The following DRC11 variants were observed in gnomAD, a reference collection of about 807,000 sequenced individuals.
DRC11 encodes the protein dynein regulatory complex subunit 11, also known as IQ and AAA domain-containing protein 1.
the DRC11 span, chr2:236,363,790 G>A: frequency 1.9e-6 from 3 of 1,611,194 alleles, no homozygotes; most frequent in African/African-American, 1.3e-5. The surrounding 1 kb of genome is among the most constrained non-coding windows in gnomAD (Gnocchi z 5.6). Context: ...CTTGAAGACT[G>A]CATGCAGCAT....
chr2:236,310,864 G>A, the DRC11 span, among the ~76,000 whole-genome samples: 2 of 152,248 alleles, frequency 1.3e-5, no homozygotes, highest in Non-Finnish European at 2.9e-5. The surrounding 1 kb of genome is among the most constrained non-coding windows in gnomAD (Gnocchi z 5.5). Flanking sequence ...ATGCTTTGAA[G>A]TCTGTGGCTC....
At chr2:236,417,637 T>A in the DRC11 span, among the ~76,000 whole-genome samples, 2 of 151,960 alleles carry the variant, frequency 1.3e-5, no homozygotes, top group African/African-American at 4.8e-5. Flanking sequence ...GGTATACATG[T>A]GCCATGGTGG....
chr2:236,413,054 A>G, the DRC11 span, among the ~76,000 whole-genome samples: 4 of 152,114 alleles, frequency 2.6e-5, no homozygotes, highest in Non-Finnish European at 5.9e-5. This position sits in a 1 kb window ranked among gnomAD's most constrained non-coding sequence, Gnocchi z 4.0. Context: ...GCCATTCCAT[A>G]TCCCTCATGA....
the DRC11 span, among the ~76,000 whole-genome samples, chr2:236,400,913 G>T: frequency 6.6e-6 from 1 of 152,156 alleles, no homozygotes; most frequent in African/African-American, 2.4e-5. This position sits in a 1 kb window ranked among gnomAD's most constrained non-coding sequence, Gnocchi z 7.9. Flanking sequence ...CTTTCCTGGG[G>T]TCTCCCTGCT....
At chr2:236,398,307 T>C in the DRC11 span, among the ~76,000 whole-genome samples, 2 of 152,242 alleles carry the variant, frequency 1.3e-5, no homozygotes, top group African/African-American at 4.8e-5. The surrounding 1 kb of genome is among the most constrained non-coding windows in gnomAD (Gnocchi z 6.2). Context: ...ACTAGTGGTA[T>C]GTAAGAGAAT....
chr2:236,359,022 T>C, the DRC11 span, among the ~76,000 whole-genome samples: 3 of 151,720 alleles, frequency 2.0e-5, no homozygotes, highest in South Asian at 2.1e-4. The surrounding 1 kb of genome is among the most constrained non-coding windows in gnomAD (Gnocchi z 4.3). Flanking sequence ...GTATCCGCCT[T>C]GCCAGTGAGA....
chr2:236,344,664 C>A, the DRC11 span: 4 of 1,589,158 alleles, frequency 2.5e-6, no homozygotes, highest in East Asian at 4.5e-5. Context: ...AAAGGCAGGG[C>A]CCTGGTTGTA....
chr2:236,343,551 G>C, the DRC11 span: 1 of 411,488 alleles, frequency 2.4e-6, no homozygotes, highest in South Asian at 1.9e-5. The surrounding 1 kb of genome is among the most constrained non-coding windows in gnomAD (Gnocchi z 6.6). Flanking sequence ...GCTTATGTCT[G>C]GTGGGAGAGG....
At chr2:236,431,775 T>C in the DRC11 span, among the ~76,000 whole-genome samples, 1 of 152,232 alleles carries the variant, frequency 6.6e-6, no homozygotes, top group African/African-American at 2.4e-5. The surrounding 1 kb of genome is among the most constrained non-coding windows in gnomAD (Gnocchi z 4.2). Context: ...TCCTTTTTAA[T>C]TGCCAAATAA....
the DRC11 span, chr2:236,338,291 C>T: frequency 2.5e-5 from 41 of 1,613,800 alleles, no homozygotes; most frequent in East Asian, 1.6e-4. Context: ...ATCGAAGGGA[C>T]GCCGTGTGGT....
chr2:236,479,069 C>A, the DRC11 span, among the ~76,000 whole-genome samples: 1 of 152,180 alleles, frequency 6.6e-6, no homozygotes, highest in Non-Finnish European at 1.5e-5. This position sits in a 1 kb window ranked among gnomAD's most constrained non-coding sequence, Gnocchi z 4.1. Context: ...AAATGATCCA[C>A]GCACCTTGGC....
At chr2:236,452,565 G>A in the DRC11 span, among the ~76,000 whole-genome samples, 2 of 152,150 alleles carry the variant, frequency 1.3e-5, no homozygotes, top group Non-Finnish European at 2.9e-5. The surrounding 1 kb of genome is among the most constrained non-coding windows in gnomAD (Gnocchi z 4.7). Context: ...ACTCAATAAA[G>A]GCAATTGACT....
chr2:236,390,123 TA>T, the DRC11 span, among the ~76,000 whole-genome samples: 1 of 152,218 alleles, frequency 6.6e-6, no homozygotes, highest in Non-Finnish European at 1.5e-5. The surrounding 1 kb of genome is among the most constrained non-coding windows in gnomAD (Gnocchi z 5.9). Context: ...TCCCTTCAGA[TA>T]TGTTAATATT....
At chr2:236,481,396 C>T in the DRC11 span, among the ~76,000 whole-genome samples, 915 of 152,024 alleles carry the variant, frequency 6.0e-3, 11 homozygotes, top group African/African-American at 0.021. Context: ...TGGCAGATTG[C>T]GGGGAGGAGC....
chr2:236,505,693 A>G, the DRC11 span, among the ~76,000 whole-genome samples: 1 of 152,114 alleles, frequency 6.6e-6, no homozygotes, highest in Non-Finnish European at 1.5e-5. Flanking sequence ...ACTGAATAGC[A>G]TCTTGATGCT....
At chr2:236,359,736 C>T in the DRC11 span, among the ~76,000 whole-genome samples, 1 of 152,160 alleles carries the variant, frequency 6.6e-6, no homozygotes, top group Non-Finnish European at 1.5e-5. This position sits in a 1 kb window ranked among gnomAD's most constrained non-coding sequence, Gnocchi z 4.3. Flanking sequence ...AAAGCAAATA[C>T]CTCTTTGCAG....
the DRC11 span, among the ~76,000 whole-genome samples, chr2:236,487,051 T>C: frequency 1.3e-5 from 2 of 152,200 alleles, no homozygotes; most frequent in East Asian, 3.8e-4. Context: ...ATATTTTTTC[T>C]TCTGTGATCA....
chr2:236,323,553 G>A, the DRC11 span, among the ~76,000 whole-genome samples: 9 of 152,288 alleles, frequency 5.9e-5, no homozygotes, highest in South Asian at 1.0e-3. The surrounding 1 kb of genome is among the most constrained non-coding windows in gnomAD (Gnocchi z 6.4). Flanking sequence ...ACACAGGCTG[G>A]GGGGTGTGCT....
chr2:236,454,062 CA>C, the DRC11 span, among the ~76,000 whole-genome samples: 1 of 152,190 alleles, frequency 6.6e-6, no homozygotes, highest in East Asian at 1.9e-4. The surrounding 1 kb of genome is among the most constrained non-coding windows in gnomAD (Gnocchi z 5.3). Flanking sequence ...GCCCCATCAG[CA>C]GCAGTGGGGA....
Sources: gnomAD v4.1 joint callset for allele counts (sites outside exome capture counted in the v4.1 genomes callset) on GRCh38, gnomAD v4.1.1 for gene constraint, Gnocchi (gnomAD v3.1) non-coding constraint, MANE v1.5 for transcripts, NCBI Gene and HGNC (gene_info 2026-07-23, HGNC 2026-07-21) for gene names.